CYREN: variants seen among roughly 807,000 people sequenced by gnomAD.
CYREN encodes cell cycle regulator of NHEJ, also known as cell cycle regulator of non-homologous end joining.
Under a neutral mutation model 9.7 loss-of-function variants are expected in CYREN, and 7 were observed. That is an observed-to-expected ratio of 0.72 (90% CI 0.41 to 1.36). CYREN has a LOEUF of 1.36. CYREN is among the 40% of genes most tolerant of loss of function. The pLI is 0.01. For synonymous variants in CYREN, 76 were observed against 77.9 expected, an observed-to-expected ratio of 0.98 and a Z score of 0.13; for missense variants, 215 against 198.1, an observed-to-expected ratio of 1.09 and a Z score of -0.51.
chr7:135,130,324 G>C (rs963441364), intron 2 of CYREN, among the ~76,000 whole-genome samples: 1 of 152,114 alleles, frequency 6.6e-6, no homozygotes, highest in Non-Finnish European at 1.5e-5. Flanking sequence ...TACCACAAAC[G>C]CTATGGGGCA....
At chr7:135,168,599 C>G (rs971525237) in intron 2 of CYREN, 187 bp downstream of exon 2, 11 of 845,518 alleles carry the variant, frequency 1.3e-5, no homozygotes, top group South Asian at 1.8e-5. Context: ...GGTGCCTGTC[C>G]TCGAGGGTTA....
chr7:135,164,370 G>A, downstream of CYREN: 1 of 1,439,766 alleles, frequency 6.9e-7, no homozygotes, highest in East Asian at 2.3e-5. Context: ...TCTGGACACA[G>A]GGAACAAGCA....
At chr7:135,159,813 T>C (rs755860785) in intron 2 of CYREN, among the ~76,000 whole-genome samples, 1 of 152,242 alleles carries the variant, frequency 6.6e-6, no homozygotes, top group Non-Finnish European at 1.5e-5. Flanking sequence ...TGTTAAACTT[T>C]ACTTATTATG....
chr7:135,124,445 T>C (rs1827580290), intron 2 of CYREN, among the ~76,000 whole-genome samples: 1 of 152,164 alleles, frequency 6.6e-6, no homozygotes, highest in Non-Finnish European at 1.5e-5. Context: ...ACAATAATAG[T>C]GGAAGACTTT....
In CYREN at chr7:135,156,820, C is replaced by T. The variant is rs146891035; in HGVS notation, n.356+11929G>A. Among the ~76,000 whole-genome samples the T allele has an allele frequency of 4.9e-3, 741 of 152,258 alleles. 20 individuals carry two copies. In the East Asian group the frequency reaches 0.057, roughly 12 times the overall value. ...CCAAATCTCAACTTGAATTGTAGCT[C>T]CCATAATTCCCACATGTTGTGAGAG... On this transcript the variant is annotated intron_variant and non_coding_transcript_variant, in intron 2 of 2. Coordinates refer to the CYREN transcript ENST00000459937.
intron 2 of CYREN, among the ~76,000 whole-genome samples, chr7:135,103,725 A>G (rs1824215595): frequency 6.6e-6 from 1 of 152,202 alleles, no homozygotes. Flanking sequence ...ACAGGTATAA[A>G]TAAGCAGAGT....
exon 3 of CYREN, chr7:135,094,517 T>C: frequency 4.4e-6 from 2 of 456,706 alleles, no homozygotes; most frequent in Non-Finnish European, 8.8e-6. Flanking sequence ...AGCTTCATTT[T>C]TGTGGACTTT....
rs112870869 is a variant in CYREN at position 135,144,426 on chromosome 7, T to C, written n.356+24323A>G. On this transcript the variant is annotated intron_variant and non_coding_transcript_variant, in intron 2 of 2. Coordinates refer to the CYREN transcript ENST00000459937. ...AAACTGACTTGTTTGGAACAGAGTG[T>C]GGGGAAGTTCAAGGTTAAGAGTACT... Among the ~76,000 whole-genome samples, 199 of 152,046 alleles carry C rather than the reference T, an allele frequency of 1.3e-3. 3 individuals are homozygous for C. Among genetic ancestry groups the C allele is most frequent in the African/African-American group, 4.7e-3 (194 of 41,476 alleles).
Position 135,129,204 on chromosome 7 carries a change from T to A in CYREN, n.357-34622A>T, listed in dbSNP as rs574244396. ...AGATGTGGTGTACTGCCCCCACGCA[T>A]GCTGCCAGCTGCCTGTGATGCAGGA... On this transcript the variant is annotated intron_variant and non_coding_transcript_variant, in intron 2 of 2. Coordinates refer to the CYREN transcript ENST00000459937. 35 of 1,426,504 alleles carry A rather than the reference T, an allele frequency of 2.5e-5. No homozygotes were observed. The African/African-American group carries it at 4.8e-4, about 20-fold the overall frequency. 88.4% of individuals were successfully genotyped at this position (1,426,504 alleles called of 1,614,324 possible). A position where few individuals can be genotyped will look rare whatever the true frequency, so the allele number is the denominator to read the frequency against.
At chr7:135,100,165 C>T (rs961804179) in intron 2 of CYREN, 4 of 150,470 alleles carry the variant, frequency 2.7e-5, no homozygotes, top group Non-Finnish European at 4.4e-5. Context: ...GGATTACAGG[C>T]GTGAGCCACT....
In CYREN at chr7:135,097,797, C is replaced by T. The variant is rs535654659; in HGVS notation, n.357-3215G>A. Among the ~76,000 whole-genome samples, 14 of 152,026 alleles carry T rather than the reference C, an allele frequency of 9.2e-5. 1 individual carries two copies. The highest frequency in any genetic ancestry group is 4.2e-4 in the South Asian group (2 of 4,810). On this transcript the variant is annotated intron_variant and non_coding_transcript_variant, in intron 2 of 2. Coordinates refer to the CYREN transcript ENST00000459937. ...TATTATATGTAGGTTGTGACAAAGA[C>T]GTGTATGGTAAAAAATGACATTTGG...
At chr7:135,168,574 G>A in intron 2 of CYREN, 1 of 641,062 alleles carries the variant, frequency 1.6e-6, no homozygotes, top group East Asian at 2.9e-5. Context: ...ACTCACCAGT[G>A]CAGAGGCAGA....
At chr7:135,095,074 C>T (rs1447357660) in intron 2 of CYREN, among the ~76,000 whole-genome samples, 1 of 152,194 alleles carries the variant, frequency 6.6e-6, no homozygotes, top group Non-Finnish European at 1.5e-5. Context: ...AAGCCTGGAA[C>T]TCTGCTAAGT....
rs563330513 is a variant in CYREN at position 135,096,339 on chromosome 7, G to A, written n.357-1757C>T. On this transcript the variant is annotated intron_variant and non_coding_transcript_variant, in intron 2 of 2. Coordinates refer to the CYREN transcript ENST00000459937. Reference sequence around the variant, plus strand: ...AAATGTCACCAAAAAAGAAAAAGAGGAAAGAAAGAAAGAAAGAGAGAGACA... The same window carrying A: ...AAATGTCACCAAAAAAGAAAAAGAGAAAAGAAAGAAAGAAAGAGAGAGACA... 6.3e-4 allele frequency among the ~76,000 whole-genome samples: 94 copies of A among 148,248 alleles called. 1 individual carries two copies. Among genetic ancestry groups the A allele is most frequent in the Middle Eastern group, 3.4e-3 (1 of 290 alleles).
intron 3 of CYREN, 194 bp downstream of exon 3, chr7:135,167,538 A>G: frequency 7.0e-7 from 1 of 1,426,182 alleles, no homozygotes. Context: ...TCTAGCCTCA[A>G]AGACACCCCA....
chr7:135,102,624 G>GT (rs1293996441), intron 2 of CYREN, among the ~76,000 whole-genome samples: 4 of 111,418 alleles, frequency 3.6e-5, no homozygotes, highest in Admixed American at 9.2e-5. Context: ...TTTCTCTTGT[G>GT]GTTTTTTTTT....
chr7:135,158,626 G>A (rs553775832), intron 2 of CYREN, among the ~76,000 whole-genome samples: 1 of 151,832 alleles, frequency 6.6e-6, no homozygotes, highest in African/African-American at 2.4e-5. Flanking sequence ...GGAGGGGAAT[G>A]CAGCCCAGCA....
intron 2 of CYREN, among the ~76,000 whole-genome samples, chr7:135,106,883 A>C (rs1211052278): frequency 6.6e-6 from 1 of 152,082 alleles, no homozygotes; most frequent in Non-Finnish European, 1.5e-5. Flanking sequence ...TACTGATTCT[A>C]TTTCAGAGGT....
At chr7:135,141,399 A>T (rs1829450418) in intron 2 of CYREN, among the ~76,000 whole-genome samples, 1 of 151,944 alleles carries the variant, frequency 6.6e-6, no homozygotes, top group Non-Finnish European at 1.5e-5. Flanking sequence ...GTCAGTGGTA[A>T]TGTCCCCTTT....
Sources: gnomAD v4.1 joint callset for allele counts (sites outside exome capture counted in the v4.1 genomes callset) on GRCh38, gnomAD v4.1.1 for gene constraint, MANE v1.5 for transcripts, NCBI Gene and HGNC (gene_info 2026-07-23, HGNC 2026-07-21) for gene names.